ARAP2: variants seen among roughly 807,000 people sequenced by gnomAD.
ARAP2 encodes ArfGAP with RhoGAP domain, ankyrin repeat and PH domain 2, also known as arf-GAP with Rho-GAP domain, ANK repeat and PH domain-containing protein 2.
In ARAP2, 148 loss-of-function variants were observed where a neutral mutation model predicts 194.5. The observed-to-expected ratio is 0.76, with a 90% CI of 0.67 to 0.87. The LOEUF (loss-of-function observed/expected upper bound fraction) is 0.87, where lower values mean the gene tolerates loss of function less well. Among genes scored for constraint, ARAP2 ranks in the 40% least tolerant of loss-of-function variants. The pLI, the probability that ARAP2 is intolerant of heterozygous loss-of-function variation, is 0.00. For missense variants in ARAP2, 2,128 were observed against 1,989.7 expected (o/e 1.07, Z -1.32); for synonymous variants, 695 against 683.5 (o/e 1.02, Z -0.26).
At chr4:36,160,420 C>T in intron 13 of ARAP2, 39 bp downstream of exon 13, 2 of 1,451,578 alleles carry the variant, frequency 1.4e-6, no homozygotes, top group Non-Finnish European at 1.8e-6. Flanking sequence ...ATTAAAAAGA[C>T]ATTAAAATCC....
At chr4:36,074,041 A>C (rs1430935999) in intron 31 of ARAP2, among the ~76,000 whole-genome samples, 2 of 152,128 alleles carry the variant, frequency 1.3e-5, no homozygotes, top group Non-Finnish European at 2.9e-5. Flanking sequence ...TCAATTTCTA[A>C]GTTTCAAATA....
rs995374361 is a variant in ARAP2 at position 36,147,628 on chromosome 4, T to C, written c.3119A>G (p.Asp1040Gly). 1 of 1,613,674 alleles carries C rather than the reference T, an allele frequency of 6.2e-7. No homozygotes were observed. The highest frequency in any genetic ancestry group is 1.3e-5 in the African/African-American group (1 of 75,030). The part of the protein sequence containing the change: ...DQWRKGWFAM[D>G]KSSLHFCLQM... The stretch of plus-strand genomic sequence containing the variant: ...AAGGCAAAAATGCAAGCTGGATTTG[T>C]CCATAGCAAACCAGCCTTTTCTCCA... Residue 1040 changes from aspartate (D) to glycine (G), a missense_variant, in exon 18 of 33, where the codon GAC becomes GGC. Coordinates refer to ENST00000303965, the MANE Select transcript of ARAP2 (RefSeq NM_015230.4).
chr4:36,177,180 T>G (rs998671034), intron 9 of ARAP2, among the ~76,000 whole-genome samples: 1 of 152,126 alleles, frequency 6.6e-6, no homozygotes, highest in Non-Finnish European at 1.5e-5. Context: ...ACCATCAGAC[T>G]CATCAAAACA....
chr4:36,101,662 A>T (rs116118378), intron 27 of ARAP2, among the ~76,000 whole-genome samples: 160 of 152,068 alleles, frequency 1.1e-3, no homozygotes, highest in African/African-American at 3.5e-3. Context: ...CTTTCATGTG[A>T]TTCTCATGCA....
chr4:36,044,947 A>G (rs1165856901), intron 5 of ARAP2, among the ~76,000 whole-genome samples: 1 of 152,188 alleles, frequency 6.6e-6, no homozygotes, highest in Non-Finnish European at 1.5e-5. Flanking sequence ...TATTAAAAAA[A>G]AGTGCTCAAC....
chr4:36,222,223 C>T (rs1468496501), intron 2 of ARAP2, among the ~76,000 whole-genome samples: 1 of 152,170 alleles, frequency 6.6e-6, no homozygotes, highest in Admixed American at 6.6e-5. Context: ...AGGAATATTA[C>T]AATGATTAAT....
chr4:36,141,576 A>G (rs547084528), intron 19 of ARAP2, among the ~76,000 whole-genome samples: 61 of 151,754 alleles, frequency 4.0e-4, no homozygotes, highest in Non-Finnish European at 4.7e-4. Flanking sequence ...ATAATTATCA[A>G]TTTATGAACA....
chr4:36,178,420 T>C (rs775990909), intron 8 of ARAP2, among the ~76,000 whole-genome samples: 1 of 152,194 alleles, frequency 6.6e-6, no homozygotes, highest in Non-Finnish European at 1.5e-5. Flanking sequence ...TAACAGATTG[T>C]ATGTGGCAAG....
intron 31 of ARAP2, among the ~76,000 whole-genome samples, chr4:36,078,972 G>A (rs1234530072): frequency 2.5e-4 from 38 of 151,856 alleles, no homozygotes; most frequent in South Asian, 2.1e-4. Flanking sequence ...TCAGAAGTTC[G>A]AGACCAACCT....
chr4:36,052,487 A>G (rs1722828688), intron 2 of ARAP2, among the ~76,000 whole-genome samples: 1 of 152,256 alleles, frequency 6.6e-6, no homozygotes, highest in African/African-American at 2.4e-5. Context: ...AATTAAATAC[A>G]ATTTAATTCA....
At chr4:36,233,553 T>C (rs1046811740) in intron 1 of ARAP2, among the ~76,000 whole-genome samples, 1 of 152,234 alleles carries the variant, frequency 6.6e-6, no homozygotes, top group East Asian at 1.9e-4. Context: ...CCATCTAACA[T>C]ACTGCACACA....
intron 5 of ARAP2, among the ~76,000 whole-genome samples, chr4:36,025,901 A>T (rs1717824946): frequency 6.6e-6 from 1 of 152,152 alleles, no homozygotes; most frequent in South Asian, 2.1e-4. Context: ...TGCCAGGATA[A>T]ATTAGAGAGA....
intron 19 of ARAP2, among the ~76,000 whole-genome samples, chr4:36,146,608 A>T (rs1327753679): frequency 6.6e-6 from 1 of 152,016 alleles, no homozygotes; most frequent in African/African-American, 2.4e-5. Flanking sequence ...TGCAAAGTTT[A>T]CTTTTTCGTT....
At chr4:36,134,967 C>G (rs532771038) in intron 19 of ARAP2, among the ~76,000 whole-genome samples, 16 of 151,778 alleles carry the variant, frequency 1.1e-4, no homozygotes, top group African/African-American at 3.9e-4. Flanking sequence ...AATGTTTTAG[C>G]CACGAAACTC....
At chr4:36,113,561 T>C (rs1250105583) in intron 26 of ARAP2, among the ~76,000 whole-genome samples, 1 of 151,970 alleles carries the variant, frequency 6.6e-6, no homozygotes, top group Non-Finnish European at 1.5e-5. Context: ...AGGTAGCAGC[T>C]AGACAGATGG....
chr4:36,026,450 A>C (rs757546638), intron 5 of ARAP2, among the ~76,000 whole-genome samples: 1 of 152,182 alleles, frequency 6.6e-6, no homozygotes, highest in Non-Finnish European at 1.5e-5. Flanking sequence ...CTGTGCTCTA[A>C]GGCACAGTGG....
intron 21 of ARAP2, 21 bp downstream of exon 21, chr4:36,128,512 A>ACACACAC: frequency 2.5e-6 from 4 of 1,574,016 alleles, no homozygotes; most frequent in Non-Finnish European, 3.5e-6. Flanking sequence ...ACATATCTAC[A>ACACACAC]AATATCTGTA....
At chr4:36,192,723 C>T (rs148846441) in intron 7 of ARAP2, among the ~76,000 whole-genome samples, 2 of 152,298 alleles carry the variant, frequency 1.3e-5, no homozygotes, top group Non-Finnish European at 2.9e-5. Flanking sequence ...TAAGGCTGGT[C>T]GTGGTAGCTC....
intron 27 of ARAP2, among the ~76,000 whole-genome samples, chr4:36,096,092 G>A (rs953667990): frequency 2.0e-5 from 3 of 151,802 alleles, no homozygotes; most frequent in Non-Finnish European, 2.9e-5. Context: ...TTCCAGGCAC[G>A]GTGGCTCATA....
Sources: gnomAD v4.1 joint callset for allele counts (sites outside exome capture counted in the v4.1 genomes callset) on GRCh38, gnomAD v4.1.1 for gene constraint, MANE v1.5 for transcripts, NCBI Gene and HGNC (gene_info 2026-07-23, HGNC 2026-07-21) for gene names.